Variants in ZNRF3 observed in about 807,000 individuals in gnomAD.
ZNRF3 encodes the protein E3 ubiquitin-protein ligase ZNRF3.
A neutral mutation model predicts 72.5 loss-of-function variants in ZNRF3; 23 were observed. That is an observed-to-expected ratio of 0.32 (90% confidence interval 0.23 to 0.45). ZNRF3 has a LOEUF of 0.45. ZNRF3 is among the 20% of genes least tolerant of loss of function. ZNRF3 has a pLI of 1.00. For missense variants in ZNRF3, 1,169 were observed against 1,272.1 expected (o/e 0.92, Z 1.23); for synonymous variants, 610 against 545.3 (o/e 1.12, Z -1.65).
chr22:28,912,721 A>G (rs373622910), intron 1 of ZNRF3, among the ~76,000 whole-genome samples: 218 of 145,898 alleles, frequency 1.5e-3, no homozygotes, highest in African/African-American at 5.3e-3. Flanking sequence ...CTGGAGTGCA[A>G]TGGTTCAATC....
intron 2 of ZNRF3, among the ~76,000 whole-genome samples, chr22:29,020,792 T>G (rs1012395849): frequency 3.3e-5 from 5 of 150,710 alleles, no homozygotes; most frequent in African/African-American, 4.9e-5. Context: ...TGTGTGTGTG[T>G]GTGTGTGTGT....
At position 29,013,611 on chromosome 22, in the gene ZNRF3, T is replaced by C. The variant is rs149532307; in HGVS notation, c.426+26410T>C. ...ATCTTTGCCAAGTTACAGTTACAGC[T>C]AATTTAAAGCTGTATCCAACCAAAA... On this transcript the variant is annotated intron_variant, in intron 2 of 8. Transcript: ENST00000544604. 4.4e-3 allele frequency among the ~76,000 whole-genome samples: 673 copies of C among 152,358 alleles called. 5 individuals carry two copies. Among genetic ancestry groups the C allele is most frequent in the Non-Finnish European group, 8.0e-3 (544 of 68,032 alleles).
chr22:29,013,353 C>T (rs965186469), intron 2 of ZNRF3, among the ~76,000 whole-genome samples: 1 of 152,156 alleles, frequency 6.6e-6, no homozygotes, highest in Non-Finnish European at 1.5e-5. Flanking sequence ...TCCAACTTCT[C>T]AGTTTAATTT....
At chr22:28,945,644 C>T (rs1569256088) in intron 1 of ZNRF3, among the ~76,000 whole-genome samples, 1 of 151,988 alleles carries the variant, frequency 6.6e-6, no homozygotes, top group Admixed American at 6.6e-5. Context: ...ATTCTTCTGC[C>T]TCAGCCTCCT....
Position 29,050,374 on chromosome 22 carries a change from C to T in ZNRF3, c.2193C>T (p.Ser731=). 1 of 1,603,756 alleles carries T rather than the reference C, an allele frequency of 6.2e-7. No homozygotes were observed. Among genetic ancestry groups the T allele is most frequent in the Non-Finnish European group, 8.5e-7 (1 of 1,174,586 alleles). The change falls in exon 8 of 9, where the codon AGC becomes AGT. Residue 731 remains serine, a synonymous_variant. Coordinates refer to ENST00000544604, the MANE Select transcript of ZNRF3 (RefSeq NM_001206998.2). The part of the protein sequence containing the change: ...AGPSAGAAGS[S]TLFLGPHLYE... ...CTAGCGCCGGAGCAGCTGGCAGCAG[C>T]ACCTTGTTCCTGGGGCCCCACCTCT...
rs961847051 is a variant in ZNRF3, at chr22:29,043,113, C to T, written c.502-186C>T. 2.0e-5 allele frequency among the ~76,000 whole-genome samples: 3 copies of T among 152,036 alleles called. No homozygotes were observed. The South Asian group carries it at 6.2e-4, about 32-fold the overall frequency. ...AAGACCTTTCTGGGCCTTCTGCTTGCCCAGTCCATCCCAAAACAAGCGTCA... is the reference window on the plus strand; with the variant it reads ...AAGACCTTTCTGGGCCTTCTGCTTGTCCAGTCCATCCCAAAACAAGCGTCA... On this transcript the variant is annotated intron_variant, in intron 3 of 8. Coordinates refer to ENST00000544604, the MANE Select transcript of ZNRF3 (RefSeq NM_001206998.2).
intron 1 of ZNRF3, among the ~76,000 whole-genome samples, chr22:28,953,473 A>C (rs2035202835): frequency 6.6e-6 from 1 of 152,198 alleles, no homozygotes; most frequent in Admixed American, 6.5e-5. Context: ...GTTTAGGAAA[A>C]GAGTGTGCTT....
intron 1 of ZNRF3, among the ~76,000 whole-genome samples, chr22:28,903,763 G>A (rs1035890975): frequency 3.3e-5 from 5 of 152,194 alleles, no homozygotes; most frequent in Admixed American, 1.3e-4. Context: ...TCCTTCCTAC[G>A]TCAAGGCCAA....
At chr22:28,952,043 G>A (rs188607169) in intron 1 of ZNRF3, among the ~76,000 whole-genome samples, 16 of 152,296 alleles carry the variant, frequency 1.1e-4, no homozygotes, top group Admixed American at 7.8e-4. Context: ...TCTTTTCTCC[G>A]AGTGCATTCT....
At chr22:28,956,523 T>C (rs1380223024) in intron 1 of ZNRF3, among the ~76,000 whole-genome samples, 1 of 152,134 alleles carries the variant, frequency 6.6e-6, no homozygotes, top group African/African-American at 2.4e-5. Flanking sequence ...GTTTTGCCTT[T>C]TCTCCTACAG....
chr22:29,044,536 C>T (rs2037024090), intron 4 of ZNRF3, among the ~76,000 whole-genome samples: 1 of 152,236 alleles, frequency 6.6e-6, no homozygotes, highest in Non-Finnish European at 1.5e-5. Flanking sequence ...AACAGAGTTC[C>T]CTTGGCTCTT....
intron 1 of ZNRF3, among the ~76,000 whole-genome samples, chr22:28,952,883 G>A (rs2035190443): frequency 6.6e-6 from 1 of 152,198 alleles, no homozygotes; most frequent in African/African-American, 2.4e-5. Context: ...ATTAACCTAT[G>A]GAGAGTCCTT....
At chr22:28,913,904 A>G (rs905651434) in intron 1 of ZNRF3, among the ~76,000 whole-genome samples, 1 of 152,092 alleles carries the variant, frequency 6.6e-6, no homozygotes, top group East Asian at 1.9e-4. Flanking sequence ...CGGGCAGATA[A>G]GATAGAGGAG....
intron 2 of ZNRF3, among the ~76,000 whole-genome samples, chr22:28,991,105 A>T (rs1372447976): frequency 6.6e-6 from 1 of 151,556 alleles, no homozygotes; most frequent in Admixed American, 6.6e-5. Context: ...AACATGGCAA[A>T]ACACCATCTC....
At chr22:28,963,903 T>G (rs2035410767) in intron 1 of ZNRF3, among the ~76,000 whole-genome samples, 1 of 152,092 alleles carries the variant, frequency 6.6e-6, no homozygotes, top group Admixed American at 6.6e-5. Flanking sequence ...CTTGAAAGCT[T>G]AGCACAGTAC....
intron 2 of ZNRF3, among the ~76,000 whole-genome samples, chr22:29,028,553 TAC>T (rs1181643595): frequency 6.6e-6 from 1 of 152,192 alleles, no homozygotes; most frequent in African/African-American, 2.4e-5. Flanking sequence ...GTATCTCCAT[TAC>T]ACTTGATTTT....
chr22:28,900,434 A>G (rs539171776), intron 1 of ZNRF3, among the ~76,000 whole-genome samples: 2 of 152,284 alleles, frequency 1.3e-5, no homozygotes, highest in East Asian at 1.9e-4. Flanking sequence ...GATTAATTCT[A>G]TGGTACTTGG....
intron 1 of ZNRF3, among the ~76,000 whole-genome samples, chr22:28,977,356 G>T (rs760239477): frequency 3.3e-5 from 5 of 152,118 alleles, no homozygotes; most frequent in Non-Finnish European, 5.9e-5. Context: ...TTTGATTCTA[G>T]ATCCAGAAAA....
rs767049631 is a variant in ZNRF3 at position 29,050,395 on chromosome 22, C to T, written c.2214C>T (p.His738=). The part of the protein sequence containing the change: ...AGSSTLFLGP[H]LYEGSGPAGG... ...GCAGCACCTTGTTCCTGGGGCCCCA[C>T]CTCTACGAGGGCTCTGGCCCGGCGG... is the stretch of plus-strand genomic sequence containing the variant. The change falls in exon 8 of 9, where the codon CAC becomes CAT. Residue 738 remains histidine, a synonymous_variant. Coordinates refer to ENST00000544604, the MANE Select transcript of ZNRF3 (RefSeq NM_001206998.2). 2 of 1,605,640 alleles carry T rather than the reference C, an allele frequency of 1.2e-6. No homozygotes were observed. The highest frequency in any genetic ancestry group is 1.7e-5 in the Admixed American group (1 of 59,764).
Sources: allele counts gnomAD v4.1 joint callset (sites outside exome capture counted in the v4.1 genomes callset), GRCh38; gene constraint gnomAD v4.1.1; transcripts MANE v1.5; gene names NCBI Gene and HGNC (gene_info 2026-07-23, HGNC 2026-07-21).